Variants in ZNF800 observed in about 807,000 individuals in gnomAD.
ZNF800 encodes the protein zinc finger protein 800.
Under a neutral mutation model 59.5 loss-of-function variants are expected in ZNF800, and 13 were observed. The observed-to-expected ratio is 0.22, with a 90% CI of 0.14 to 0.35. The LOEUF (loss-of-function observed/expected upper bound fraction) is 0.35. ZNF800 is among the 10% of genes least tolerant of loss of function. The probability of loss-of-function intolerance (pLI) is 1.00; values close to 1 mark genes in which losing one functional copy is unlikely to be tolerated. For missense variants in ZNF800, 621 were observed against 783.7 expected (o/e 0.79, Z 2.48); for synonymous variants, 266 against 265.7 (o/e 1.00, Z -0.01).
At chr7:127,384,747 T>A (rs574650540) in intron 3 of ZNF800, among the ~76,000 whole-genome samples, 1 of 152,178 alleles carries the variant, frequency 6.6e-6, no homozygotes, top group Non-Finnish European at 1.5e-5. Flanking sequence ...CACTATTTTT[T>A]CTGTTATGCC....
At chr7:127,379,771 T>G (rs1800899492) in intron 3 of ZNF800, among the ~76,000 whole-genome samples, 1 of 150,318 alleles carries the variant, frequency 6.7e-6, no homozygotes, top group South Asian at 2.1e-4. Context: ...AAAAAAAGTA[T>G]TTGCCTCTAA....
chr7:127,354,312 A>G (rs1800227621), intron 1 of ZNF800, among the ~76,000 whole-genome samples: 1 of 152,122 alleles, frequency 6.6e-6, no homozygotes, highest in South Asian at 2.1e-4. Flanking sequence ...ATCATGTTGC[A>G]CGTGAGGTAC....
rs779084488 is a variant in ZNF800 at position 127,373,987 on chromosome 7, T to C, written c.1349A>G (p.Lys450Arg). The C allele has an allele frequency of 3.7e-6, 6 of 1,613,842 alleles. 1 individual carries two copies. The Middle Eastern group carries it at 4.9e-4, about 133-fold the overall frequency. The change falls in exon 5 of 6, where the codon AAA (lysine) becomes AGA (arginine). Residue 450 changes from lysine to arginine, a missense_variant. By Grantham distance (26) the Lys-to-Arg change is conservative (BLOSUM62 2). Transcript: ENST00000265827. ...KKNTPAAQKN[K>R]VKQDSESPKS... ...AGGGCTTTCAGAGTCTTGTTTAACT[T>C]TATTTTTCTGTGCTGCCGGTGTGTT...
At chr7:127,366,941 C>A (rs1451660009), downstream of ZNF800, among the ~76,000 whole-genome samples, 1 of 151,994 alleles carries the variant, frequency 6.6e-6, no homozygotes, top group East Asian at 1.9e-4. Context: ...TCAAGCTGTA[C>A]AGAAGGGGAA....
chr7:127,385,959 C>T, intron 3 of ZNF800, 101 bp downstream of exon 3: 1 of 723,562 alleles, frequency 1.4e-6, no homozygotes, highest in Non-Finnish European at 2.2e-6. Flanking sequence ...AGAAAGCCAA[C>T]ATATACATTT....
downstream of ZNF800, among the ~76,000 whole-genome samples, chr7:127,369,677 C>A (rs1358047670): frequency 6.6e-6 from 1 of 152,000 alleles, no homozygotes; most frequent in Non-Finnish European, 1.5e-5. Flanking sequence ...TCCTACATGA[C>A]CCAGATGAAA....
At chr7:127,372,860 T>A (rs911535303) in intron 5 of ZNF800, 1 of 985,406 alleles carries the variant, frequency 1.0e-6, no homozygotes. Flanking sequence ...CGTCACAGAT[T>A]AATTTTTACA....
chr7:127,360,595 A>G (rs1800374968), intron 1 of ZNF800: 1 of 152,094 alleles, frequency 6.6e-6, no homozygotes, highest in Non-Finnish European at 1.5e-5. Flanking sequence ...ATTTTAAATC[A>G]CAAGGTATCA....
rs764617521 is a variant in ZNF800 at position 127,374,352 on chromosome 7, T to C, written c.984A>G (p.Gln328=). The change falls in exon 5 of 6, where the codon CAA becomes CAG. Residue 328 remains glutamine (Q), a synonymous_variant. Coordinates refer to ENST00000265827, the MANE Select transcript of ZNF800 (RefSeq NM_176814.5). ...GAGAAATAGAATCCAGGAACAAAGG[T>C]TGCCCAGGCTTTGTTGCTATATCAG... The part of the protein sequence containing the change: ...ITPDIATKPG[Q]PLFLDSISPK... 6.2e-7 allele frequency: 1 copy of C among 1,613,608 alleles called. No homozygotes were observed. Among genetic ancestry groups the C allele is most frequent in the African/African-American group, 1.3e-5 (1 of 74,904 alleles).
At chr7:127,353,973 A>G (rs1800220717) in intron 1 of ZNF800, among the ~76,000 whole-genome samples, 2 of 152,128 alleles carry the variant, frequency 1.3e-5, no homozygotes, top group Non-Finnish European at 2.9e-5. Context: ...TATTTCTGTG[A>G]TATGCATTTG....
chr7:127,350,693 G>A (rs1010977174), intron 1 of ZNF800, among the ~76,000 whole-genome samples: 4 of 152,128 alleles, frequency 2.6e-5, no homozygotes, highest in African/African-American at 9.7e-5. Flanking sequence ...ATTTCTGTCT[G>A]GTTAGAGAAA....
intron 5 of ZNF800, 106 bp downstream of exon 5, chr7:127,373,236 T>C (rs1800680071): frequency 1.3e-6 from 2 of 1,498,160 alleles, no homozygotes; most frequent in Non-Finnish European, 1.8e-6. Context: ...ATGAGATATA[T>C]GGAAGCAAAC....
At chr7:127,344,081 T>C (rs992518132), downstream of ZNF800, among the ~76,000 whole-genome samples, 4 of 152,056 alleles carry the variant, frequency 2.6e-5, no homozygotes, top group Admixed American at 6.5e-5. Flanking sequence ...TACCATCATT[T>C]ATTTAACACA....
chr7:127,343,235 A>T (rs1024409054), downstream of ZNF800, among the ~76,000 whole-genome samples: 1 of 151,812 alleles, frequency 6.6e-6, no homozygotes, highest in Non-Finnish European at 1.5e-5. Flanking sequence ...ATGAAAAGTT[A>T]TATTAATATT....
intron 3 of ZNF800, among the ~76,000 whole-genome samples, chr7:127,381,865 C>A (rs1326188058): frequency 6.6e-6 from 1 of 151,848 alleles, no homozygotes; most frequent in Non-Finnish European, 1.5e-5. Flanking sequence ...CCTTCAGAAT[C>A]AGGACTGAAG....
intron 1 of ZNF800, among the ~76,000 whole-genome samples, chr7:127,348,194 A>G (rs1800105739): frequency 6.6e-6 from 1 of 152,164 alleles, no homozygotes; most frequent in African/African-American, 2.4e-5. Context: ...ACAGGGTGCC[A>G]AGAGAGAAAA....
chr7:127,368,060 T>A (rs1244150639), downstream of ZNF800, among the ~76,000 whole-genome samples: 1 of 152,082 alleles, frequency 6.6e-6, no homozygotes, highest in Non-Finnish European at 1.5e-5. Context: ...GAGCTGCATT[T>A]TCCATACTCT....
chr7:127,354,197 A>G (rs1358022259), intron 1 of ZNF800, among the ~76,000 whole-genome samples: 1 of 152,150 alleles, frequency 6.6e-6, no homozygotes, highest in Non-Finnish European at 1.5e-5. Flanking sequence ...TTTGGTAACC[A>G]GCAATAACAG....
intron 3 of ZNF800, among the ~76,000 whole-genome samples, chr7:127,380,636 T>C (rs1333017789): frequency 6.6e-6 from 1 of 152,228 alleles, no homozygotes; most frequent in Non-Finnish European, 1.5e-5. Flanking sequence ...CAACTCTAAG[T>C]GCCTCTGTCA....
Sources: allele counts gnomAD v4.1 joint callset (sites outside exome capture counted in the v4.1 genomes callset), GRCh38; gene constraint gnomAD v4.1.1; transcripts MANE v1.5; gene names NCBI Gene and HGNC (gene_info 2026-07-23, HGNC 2026-07-21).